UNC13C: variants seen among roughly 807,000 people sequenced by gnomAD.
UNC13C encodes protein unc-13 homolog C.
In UNC13C, 174 loss-of-function variants were observed where a neutral mutation model predicts 245.4. That is an observed-to-expected ratio of 0.71 (90% confidence interval 0.63 to 0.80). The LOEUF (loss-of-function observed/expected upper bound fraction) is 0.80. Among genes scored for constraint, UNC13C ranks in the 30% least tolerant of loss-of-function variants. The pLI is 0.00. For synonymous variants in UNC13C, 992 were observed against 895.1 expected, an observed-to-expected ratio of 1.11 and a Z score of -1.93; for missense variants, 2,829 against 2,602.9, an observed-to-expected ratio of 1.09 and a Z score of -1.89.
At chr15:54,064,910 T>G (rs1898005987) in intron 2 of UNC13C, among the ~76,000 whole-genome samples, 1 of 152,214 alleles carries the variant, frequency 6.6e-6, no homozygotes, top group African/African-American at 2.4e-5. Flanking sequence ...CAGAGAAAGA[T>G]GAGAGTACTT....
intron 4 of UNC13C, among the ~76,000 whole-genome samples, chr15:54,188,560 C>A (rs733184): frequency 1.3e-5 from 2 of 151,952 alleles, no homozygotes; most frequent in African/African-American, 4.8e-5. Context: ...TATTTTGTCC[C>A]GATAAGAGCA....
At chr15:54,129,842 CTT>C (rs1414534027) in intron 2 of UNC13C, among the ~76,000 whole-genome samples, 1 of 149,742 alleles carries the variant, frequency 6.7e-6, no homozygotes, top group African/African-American at 2.4e-5. Context: ...TTAAAAAAGT[CTT>C]TATTTATACT....
chr15:54,585,042 G>A (rs949664800), intron 30 of UNC13C, among the ~76,000 whole-genome samples: 5 of 152,170 alleles, frequency 3.3e-5, no homozygotes, highest in East Asian at 1.9e-4. Flanking sequence ...TTGGTTATCC[G>A]ATATGGGCAG....
At chr15:53,923,954 C>G in the UNC13C span, among the ~76,000 whole-genome samples, 1 of 152,206 alleles carries the variant, frequency 6.6e-6, no homozygotes, top group Non-Finnish European at 1.5e-5. Flanking sequence ...CGCCTGTAAT[C>G]CCAGCACTTT....
chr15:54,302,551 C>T (rs929723066), intron 13 of UNC13C, among the ~76,000 whole-genome samples: 2 of 152,154 alleles, frequency 1.3e-5, no homozygotes, highest in African/African-American at 4.8e-5. Context: ...ATAGGAAACC[C>T]TTTCCCCATT....
At chr15:54,482,338 G>A (rs1893165295) in intron 19 of UNC13C, among the ~76,000 whole-genome samples, 1 of 152,096 alleles carries the variant, frequency 6.6e-6, no homozygotes, top group Admixed American at 6.6e-5. Context: ...TCTTGGAGGG[G>A]TTACAGGACC....
the UNC13C span, among the ~76,000 whole-genome samples, chr15:53,961,515 G>GA: frequency 6.6e-6 from 1 of 152,196 alleles, no homozygotes. Context: ...GAGCGGGCTA[G>GA]AATCAGCAAG....
At chr15:54,584,979 T>A (rs1898411460) in intron 30 of UNC13C, among the ~76,000 whole-genome samples, 1 of 152,240 alleles carries the variant, frequency 6.6e-6, no homozygotes, top group Non-Finnish European at 1.5e-5. Context: ...TATGGCCATT[T>A]GAGTAAAACC....
the UNC13C span, among the ~76,000 whole-genome samples, chr15:53,966,067 T>C: frequency 2.0e-5 from 3 of 152,146 alleles, no homozygotes; most frequent in South Asian, 6.2e-4. Context: ...CTCATTCTCC[T>C]TTTTTTATTC....
intron 7 of UNC13C, among the ~76,000 whole-genome samples, chr15:54,249,562 C>G (rs1013528546): frequency 9.2e-5 from 14 of 152,226 alleles, no homozygotes; most frequent in African/African-American, 2.6e-4. Flanking sequence ...GTAGTTGGGC[C>G]TAGGAGAACT....
intron 17 of UNC13C, among the ~76,000 whole-genome samples, chr15:54,390,973 G>A (rs752424364): frequency 3.9e-5 from 6 of 152,138 alleles, no homozygotes; most frequent in South Asian, 4.1e-4. Context: ...TGCAACAAAC[G>A]TTATATGATG....
chr15:54,358,271 C>G (rs1011356198), intron 17 of UNC13C, among the ~76,000 whole-genome samples: 1 of 151,948 alleles, frequency 6.6e-6, no homozygotes, highest in Non-Finnish European at 1.5e-5. Context: ...CAGCTTCATT[C>G]TTTTTGATTA....
chr15:54,627,995 A>AAAT lies in UNC13C; in HGVS notation c.*884_*886dup, dbSNP rs977293943. 4 of 152,428 alleles carry AAAT rather than the reference A, an allele frequency of 2.6e-5. No homozygotes were observed. The highest frequency in any genetic ancestry group is 7.2e-5 in the African/African-American group (3 of 41,460). 9.4% of individuals were successfully genotyped at this position (152,428 alleles called of 1,614,324 possible). A position where few individuals can be genotyped will look rare whatever the true frequency, so the allele number is the denominator to read the frequency against. The stretch of plus-strand genomic sequence containing the variant: ...AATCAGTTCAATGCTTTATTTTTAA[A>AAAT]AATATTCAATGATTAGTATTGAATG... On this transcript the variant is annotated 3_prime_UTR_variant, in exon 33 of 33. Transcript: ENST00000260323.
chr15:54,293,768 A>G, intron 10 of UNC13C, 127 bp from the exon 11 acceptor site: 7 of 665,798 alleles, frequency 1.1e-5, no homozygotes, highest in Non-Finnish European at 1.6e-5. Context: ...GATAGATGAA[A>G]TGGGTTATCT....
At chr15:54,367,659 C>T (rs1030291688) in intron 17 of UNC13C, among the ~76,000 whole-genome samples, 6 of 152,104 alleles carry the variant, frequency 3.9e-5, no homozygotes, top group African/African-American at 1.4e-4. Flanking sequence ...CAAATTATAG[C>T]ATAATAAAAG....
intron 4 of UNC13C, among the ~76,000 whole-genome samples, chr15:54,231,433 G>A (rs1003146020): frequency 6.6e-6 from 1 of 151,842 alleles, no homozygotes; most frequent in African/African-American, 2.4e-5. Flanking sequence ...TAAACTGTGG[G>A]CTCAAACCTT....
the UNC13C span, among the ~76,000 whole-genome samples, chr15:53,848,750 T>A: frequency 6.6e-6 from 1 of 152,198 alleles, no homozygotes; most frequent in Non-Finnish European, 1.5e-5. Flanking sequence ...AATTTTGGTT[T>A]CAACATAATT....
chr15:54,388,760 C>T (rs1340082258), intron 17 of UNC13C, among the ~76,000 whole-genome samples: 3 of 152,110 alleles, frequency 2.0e-5, no homozygotes, highest in Non-Finnish European at 4.4e-5. Flanking sequence ...TCTGTGGTCA[C>T]ATATTTATCT....
intron 24 of UNC13C, among the ~76,000 whole-genome samples, chr15:54,522,689 G>A (rs538298702): frequency 7.9e-5 from 12 of 152,224 alleles, no homozygotes; most frequent in South Asian, 2.1e-4. Flanking sequence ...CAAGCCCTTC[G>A]TAGAGTGGGG....
Sources: allele counts gnomAD v4.1 joint callset (sites outside exome capture counted in the v4.1 genomes callset), GRCh38; gene constraint gnomAD v4.1.1; transcripts MANE v1.5; gene names NCBI Gene and HGNC (gene_info 2026-07-23, HGNC 2026-07-21).